Variants in ABCA12 observed in about 807,000 individuals in gnomAD.
The protein encoded by ABCA12 is ATP binding cassette subfamily A member 12.
Under a neutral mutation model 293.5 loss-of-function variants are expected in ABCA12, and 156 were observed. The ratio of observed to expected loss-of-function variants is 0.53; its 90% CI spans 0.47 to 0.61. The LOEUF is 0.61. Among genes scored for constraint, ABCA12 ranks in the 20% least tolerant of loss-of-function variants. ABCA12 has a pLI of 0.00. For synonymous variants in ABCA12, 1,063 were observed against 1,108.0 expected, an observed-to-expected ratio of 0.96 and a Z score of 0.81; for missense variants, 2,797 against 3,090.2, an observed-to-expected ratio of 0.91 and a Z score of 2.25.
chr2:214,951,130 G>A (rs1370253897), intron 44 of ABCA12, 47 bp from the exon 45 acceptor site: 3 of 1,539,878 alleles, frequency 1.9e-6, no homozygotes, highest in Admixed American at 1.7e-5. Context: ...TGAAATGACA[G>A]CATTCAATTT....
At chr2:215,124,260 T>G (rs190153482) in intron 1 of ABCA12, among the ~76,000 whole-genome samples, 3 of 152,334 alleles carry the variant, frequency 2.0e-5, no homozygotes, top group Admixed American at 2.0e-4. Context: ...ATGTGCATTG[T>G]GCTTCTATAA....
chr2:215,016,605 A>AAG (rs1553534170), intron 14 of ABCA12, among the ~76,000 whole-genome samples: 6 of 139,186 alleles, frequency 4.3e-5, no homozygotes, highest in Admixed American at 1.4e-4. Flanking sequence ...AAAAAAAAAA[A>AAG]AAAAAAAAAG....
chr2:215,044,045 C>A (rs1701154820), intron 7 of ABCA12, among the ~76,000 whole-genome samples: 2 of 146,802 alleles, frequency 1.4e-5, no homozygotes, highest in African/African-American at 5.5e-5. Context: ...TATGAATAAA[C>A]CACAATTTGT....
chr2:214,969,434 A>G (rs1263132104), intron 37 of ABCA12, among the ~76,000 whole-genome samples: 1 of 152,124 alleles, frequency 6.6e-6, no homozygotes, highest in Non-Finnish European at 1.5e-5. Context: ...ATAATGGTGC[A>G]GTCACACTAG....
chr2:215,112,320 G>A (rs1339390455), intron 1 of ABCA12, among the ~76,000 whole-genome samples: 1 of 147,320 alleles, frequency 6.8e-6, no homozygotes, highest in Non-Finnish European at 1.5e-5. Flanking sequence ...AACTTACACC[G>A]TTATAGTCAA....
intron 8 of ABCA12, among the ~76,000 whole-genome samples, chr2:215,034,877 C>T (rs952990406): frequency 6.6e-5 from 10 of 152,136 alleles, no homozygotes; most frequent in African/African-American, 2.2e-4. Context: ...GCCTACAAAC[C>T]TATCTTAACC....
chr2:214,997,116 T>G (rs1352520129), intron 23 of ABCA12, among the ~76,000 whole-genome samples: 1 of 152,208 alleles, frequency 6.6e-6, no homozygotes, highest in African/African-American at 2.4e-5. Flanking sequence ...CACTCCTGGT[T>G]CTGTCTTCCA....
intron 18 of ABCA12, among the ~76,000 whole-genome samples, chr2:215,008,454 T>C (rs1310214778): frequency 3.3e-5 from 5 of 151,830 alleles, no homozygotes; most frequent in Non-Finnish European, 7.4e-5. Flanking sequence ...CACCTGATGA[T>C]TGGATGAGTA....
rs187793713 is a variant in ABCA12, at chr2:214,935,029, A to G, written c.7543-814T>C. 2.4e-3 allele frequency among the ~76,000 whole-genome samples: 373 copies of G among 152,276 alleles called. 3 individuals are homozygous for G. The highest frequency in any genetic ancestry group is 0.024 in the South Asian group (114 of 4,812). ...CTTTGCTGATACTAGTTTGATTAGG[A>G]TATTTTCTTATTCCAGAATCTACCC... On this transcript the variant is annotated intron_variant, in intron 51 of 52. Transcript: ENST00000272895.
chr2:215,134,514 A>G (rs1703151792), intron 1 of ABCA12, among the ~76,000 whole-genome samples: 3 of 116,676 alleles, frequency 2.6e-5, no homozygotes, highest in South Asian at 2.6e-4. Flanking sequence ...GCGTATGTAT[A>G]TGTGTATATA....
At chr2:214,948,500 G>T in intron 47 of ABCA12, 96 bp downstream of exon 47, 1 of 1,347,876 alleles carries the variant, frequency 7.4e-7, no homozygotes, top group Admixed American at 2.0e-5. Context: ...GAGGGGAAAT[G>T]GTGGGGCAGG....
chr2:215,131,700 T>TCG (rs1244619101), intron 1 of ABCA12, among the ~76,000 whole-genome samples: 127 of 75,030 alleles, frequency 1.7e-3, no homozygotes, highest in African/African-American at 6.3e-3. Flanking sequence ...ATCCTTTCTA[T>TCG]TGTTTTTTTT....
chr2:215,097,494 T>C (rs1288100217), intron 2 of ABCA12, among the ~76,000 whole-genome samples: 4 of 152,176 alleles, frequency 2.6e-5, no homozygotes, highest in Non-Finnish European at 1.5e-5. Flanking sequence ...CTATAATAAA[T>C]AAATATTTGC....
At chr2:215,134,772 C>T (rs773168559) in intron 1 of ABCA12, among the ~76,000 whole-genome samples, 2 of 150,884 alleles carry the variant, frequency 1.3e-5, no homozygotes, top group Non-Finnish European at 3.0e-5. Flanking sequence ...CGCAACTTCC[C>T]AAGTAGCTGG....
At chr2:215,119,492 G>C (rs1414666303) in intron 1 of ABCA12, among the ~76,000 whole-genome samples, 1 of 152,032 alleles carries the variant, frequency 6.6e-6, no homozygotes, top group Admixed American at 6.6e-5. Context: ...TATGGGGAAA[G>C]GTACGGGTCC....
At chr2:215,026,720 A>G in intron 10 of ABCA12, 100 bp downstream of exon 10, 1 of 992,678 alleles carries the variant, frequency 1.0e-6, no homozygotes, top group South Asian at 1.3e-5. Context: ...AAGATTTTAC[A>G]AATTTTCTTT....
At chr2:215,136,519 A>T (rs1299633259) in intron 1 of ABCA12, among the ~76,000 whole-genome samples, 1 of 152,294 alleles carries the variant, frequency 6.6e-6, no homozygotes, top group African/African-American at 2.4e-5. Flanking sequence ...AGACCTCAGC[A>T]TTCAGATTAT....
intron 2 of ABCA12, among the ~76,000 whole-genome samples, chr2:215,081,477 T>A (rs1290062975): frequency 5.5e-3 from 4 of 732 alleles, no homozygotes; most frequent in South Asian, 0.038. Context: ...AGACTCTGTC[T>A]CAAAAAAAAA....
At position 214,958,359 on chromosome 2, in the gene ABCA12, T is replaced by C; in HGVS notation, c.6035A>G (p.His2012Arg). The change falls in exon 41 of 53, where the codon CAT (histidine) becomes CGT (arginine). Residue 2012 changes from histidine to arginine, a missense_variant. Transcript: ENST00000272895. ...CTGCAACTGTTTGGCTTTGGTTTGA[T>C]GTTCCCTTACAACATAGGTGACAAA... The part of the protein sequence containing the change: ...ASFVTYVVRE[H>R]QTKAKQLQHI... 6.2e-7 allele frequency: 1 copy of C among 1,614,066 alleles called. No individual in the cohort carries two copies. Among genetic ancestry groups the C allele is most frequent in the East Asian group, 2.2e-5 (1 of 44,874 alleles).
Sources: allele counts gnomAD v4.1 joint callset (sites outside exome capture counted in the v4.1 genomes callset), GRCh38; gene constraint gnomAD v4.1.1; transcripts MANE v1.5; gene names NCBI Gene and HGNC (gene_info 2026-07-23, HGNC 2026-07-21).